SCIN: variants seen among roughly 807,000 people sequenced by gnomAD.
The protein encoded by SCIN is adseverin.
In SCIN, 91 loss-of-function variants were observed where a neutral mutation model predicts 91.8. The ratio of observed to expected loss-of-function variants is 0.99; its 90% CI spans 0.84 to 1.18. The LOEUF is 1.18. Ranked by LOEUF, SCIN falls within the 50% of genes most tolerant of loss-of-function variation. The pLI is 0.00. For missense variants in SCIN, 1,087 were observed against 863.9 expected, an observed-to-expected ratio of 1.26 and a Z score of -3.24; for synonymous variants, 367 against 312.6, an observed-to-expected ratio of 1.17 and a Z score of -1.84.
intron 2 of SCIN, among the ~76,000 whole-genome samples, chr7:12,579,091 C>CT (rs750612264): frequency 1.6e-4 from 24 of 151,812 alleles, no homozygotes; most frequent in Non-Finnish European, 3.1e-4. Context: ...CCCCACTGCC[C>CT]TGCCCTGTGA....
At chr7:12,582,875 C>G (rs1396835530) in intron 3 of SCIN, among the ~76,000 whole-genome samples, 3 of 152,160 alleles carry the variant, frequency 2.0e-5, no homozygotes, top group Admixed American at 2.0e-4. Flanking sequence ...AATTTTCTAT[C>G]TCAACTTTCA....
intron 9 of SCIN, among the ~76,000 whole-genome samples, chr7:12,632,093 T>C (rs868849204): frequency 4.9e-5 from 3 of 60,776 alleles, no homozygotes; most frequent in Non-Finnish European, 7.0e-5. Flanking sequence ...CATTTTATTT[T>C]ATTTTATTTT....
intron 3 of SCIN, among the ~76,000 whole-genome samples, chr7:12,599,256 A>G (rs1399497303): frequency 6.6e-6 from 1 of 152,342 alleles, no homozygotes. Flanking sequence ...TGTAAAATAT[A>G]ATTATTAGAA....
intron 3 of SCIN, among the ~76,000 whole-genome samples, chr7:12,593,613 C>T (rs904934229): frequency 3.9e-5 from 6 of 152,202 alleles, no homozygotes; most frequent in East Asian, 1.9e-4. Context: ...TTCTGTAAGG[C>T]GGGAAAGAGA....
At chr7:12,639,413 T>C (rs1356597768) in intron 10 of SCIN, among the ~76,000 whole-genome samples, 1 of 152,234 alleles carries the variant, frequency 6.6e-6, no homozygotes, top group African/African-American at 2.4e-5. Flanking sequence ...TGTATATGCA[T>C]GTAATGAGTA....
chr7:12,635,050 A>G (rs1403146958), intron 9 of SCIN, among the ~76,000 whole-genome samples: 2 of 151,482 alleles, frequency 1.3e-5, no homozygotes, highest in Admixed American at 1.3e-4. Flanking sequence ...AGCACCTGTA[A>G]TCCCAGCTAC....
chr7:12,589,474 C>T (rs905067425), intron 3 of SCIN: 1 of 152,498 alleles, frequency 6.6e-6, no homozygotes, highest in Non-Finnish European at 1.5e-5. Flanking sequence ...CCGCCCGCCT[C>T]AGCCTCCCAA....
In SCIN at chr7:12,650,441, T is replaced by G. The variant is rs183293095; in HGVS notation, c.1959+897T>G. On this transcript the variant is annotated intron_variant, in intron 14 of 15. Transcript: ENST00000297029. Reference sequence around the variant, plus strand: ...TTCTCATTTGCAGTCAACTCCTGTTTCTGTAATCATGGGTACTTTTTGGAA... The same window carrying G: ...TTCTCATTTGCAGTCAACTCCTGTTGCTGTAATCATGGGTACTTTTTGGAA... Among the ~76,000 whole-genome samples the G allele has an allele frequency of 2.4e-3, 373 of 152,370 alleles. 2 individuals carry two copies. The highest frequency in any genetic ancestry group is 6.8e-3 in the Middle Eastern group (2 of 294).
At chr7:12,631,570 G>A (rs1783643857) in intron 9 of SCIN, among the ~76,000 whole-genome samples, 2 of 151,996 alleles carry the variant, frequency 1.3e-5, no homozygotes, top group Admixed American at 6.6e-5. Context: ...ATGAGAATGG[G>A]GCCAGTGGCT....
intron 13 of SCIN, among the ~76,000 whole-genome samples, chr7:12,647,051 C>T (rs933246555): frequency 3.3e-5 from 5 of 152,114 alleles, no homozygotes; most frequent in Admixed American, 1.3e-4. Flanking sequence ...ACTTATTTTT[C>T]AGCATATGCT....
intron 4 of SCIN, among the ~76,000 whole-genome samples, chr7:12,608,264 G>T (rs1783119103): frequency 6.6e-6 from 1 of 151,506 alleles, no homozygotes; most frequent in Non-Finnish European, 1.5e-5. Context: ...TTTCTTAGAA[G>T]GGAACTAATA....
At chr7:12,640,246 T>C in intron 10 of SCIN, 101 bp from the exon 11 acceptor site, 1 of 1,043,210 alleles carries the variant, frequency 9.6e-7, no homozygotes, top group Non-Finnish European at 1.3e-6. Flanking sequence ...TTATTTTTTG[T>C]TTTATTTTCA....
chr7:12,573,902 G>C (rs1782318308), intron 1 of SCIN, among the ~76,000 whole-genome samples: 1 of 152,258 alleles, frequency 6.6e-6, no homozygotes, highest in Middle Eastern at 3.4e-3. Context: ...TTATACGAAG[G>C]ACTGGCTAGA....
chr7:12,635,338 G>A (rs530449698), intron 9 of SCIN, among the ~76,000 whole-genome samples: 2 of 151,434 alleles, frequency 1.3e-5, no homozygotes, highest in Non-Finnish European at 2.9e-5. Flanking sequence ...CTGGCTGGGC[G>A]CGGTGGCTCA....
intron 4 of SCIN, among the ~76,000 whole-genome samples, chr7:12,616,122 T>G (rs1458905938): frequency 1.3e-5 from 2 of 152,118 alleles, no homozygotes; most frequent in African/African-American, 2.4e-5. Flanking sequence ...TTTATCCAAC[T>G]TAGAGTACCA....
At chr7:12,636,941 G>C (rs1783764632) in intron 10 of SCIN, among the ~76,000 whole-genome samples, 1 of 151,808 alleles carries the variant, frequency 6.6e-6, no homozygotes, top group African/African-American at 2.4e-5. Context: ...AGGTGGAAGA[G>C]AGTCCCCAGC....
chr7:12,601,231 A>G (rs1338316815), intron 3 of SCIN, among the ~76,000 whole-genome samples: 2 of 152,158 alleles, frequency 1.3e-5, no homozygotes, highest in African/African-American at 4.8e-5. Context: ...GACTATTGCA[A>G]GCCTACTTTG....
chr7:12,583,248 C>A (rs1782525281), intron 3 of SCIN, among the ~76,000 whole-genome samples: 2 of 152,096 alleles, frequency 1.3e-5, no homozygotes, highest in African/African-American at 4.8e-5. Context: ...TGTCTCTGAG[C>A]CTTAACTTCC....
intron 4 of SCIN, among the ~76,000 whole-genome samples, chr7:12,621,374 A>G (rs1171922818): frequency 2.6e-5 from 4 of 152,144 alleles, no homozygotes; most frequent in African/African-American, 9.6e-5. Context: ...TTGAGAAGCT[A>G]ATTAAGATGC....
Sources: gnomAD v4.1 joint callset for allele counts (sites outside exome capture counted in the v4.1 genomes callset) on GRCh38, gnomAD v4.1.1 for gene constraint, MANE v1.5 for transcripts, NCBI Gene and HGNC (gene_info 2026-07-23, HGNC 2026-07-21) for gene names.